The following PTPRM variants were observed in gnomAD, a reference collection of about 807,000 sequenced individuals.
PTPRM encodes protein tyrosine phosphatase receptor type M, also known as receptor-type tyrosine-protein phosphatase mu.
A neutral mutation model predicts 186.7 loss-of-function variants in PTPRM; 47 were observed. That is an observed-to-expected ratio of 0.25 (90% CI 0.20 to 0.32). The LOEUF (loss-of-function observed/expected upper bound fraction) is 0.32. Ranked by LOEUF, PTPRM falls within the 10% of genes least tolerant of loss-of-function variation. The pLI, the probability that PTPRM is intolerant of heterozygous loss-of-function variation, is 1.00. For missense variants in PTPRM, 1,494 were observed against 1,865.0 expected, an observed-to-expected ratio of 0.80 and a Z score of 3.66; for synonymous variants, 668 against 674.9, an observed-to-expected ratio of 0.99 and a Z score of 0.16.
chr18:8,150,395 T>G (rs900788991), intron 14 of PTPRM, among the ~76,000 whole-genome samples: 2 of 152,312 alleles, frequency 1.3e-5, no homozygotes, highest in African/African-American at 4.8e-5. Context: ...TTCATTAAGT[T>G]GATCTTCAGT....
At chr18:8,235,985 G>T (rs2094341488) in intron 14 of PTPRM, among the ~76,000 whole-genome samples, 1 of 152,118 alleles carries the variant, frequency 6.6e-6, no homozygotes, top group Admixed American at 6.6e-5. Flanking sequence ...GTGTTTAATG[G>T]CTCATGATGC....
intron 23 of PTPRM, among the ~76,000 whole-genome samples, chr18:8,368,544 C>G (rs923415980): frequency 1.3e-5 from 2 of 152,194 alleles, no homozygotes; most frequent in African/African-American, 4.8e-5. Context: ...ATCTGCAACT[C>G]CTAGCATATC....
intron 14 of PTPRM, among the ~76,000 whole-genome samples, chr18:8,196,902 G>A (rs1166774050): frequency 6.6e-6 from 1 of 152,158 alleles, no homozygotes; most frequent in Non-Finnish European, 1.5e-5. Flanking sequence ...GTATCATACC[G>A]TGGGCAAACG....
At chr18:8,074,640 C>A (rs891990939) in intron 8 of PTPRM, among the ~76,000 whole-genome samples, 3 of 152,114 alleles carry the variant, frequency 2.0e-5, no homozygotes, top group Non-Finnish European at 4.4e-5. Context: ...CGATTTACAG[C>A]GCTTGCTAGC....
intron 14 of PTPRM, among the ~76,000 whole-genome samples, chr18:8,210,199 T>G (rs1338907257): frequency 1.3e-5 from 2 of 151,986 alleles, no homozygotes; most frequent in Non-Finnish European, 2.9e-5. Flanking sequence ...TAATCCCAGC[T>G]TCTCAGGAGG....
chr18:7,888,023 C>T (rs767632178), intron 2 of PTPRM, 83 bp from the exon 3 acceptor site: 2 of 1,529,106 alleles, frequency 1.3e-6, no homozygotes, highest in South Asian at 1.1e-5. Context: ...GCAGTGCCAA[C>T]CCATGTAAAT....
At chr18:8,122,756 C>T (rs980890131) in intron 13 of PTPRM, among the ~76,000 whole-genome samples, 1 of 152,306 alleles carries the variant, frequency 6.6e-6, no homozygotes, top group Non-Finnish European at 1.5e-5. Context: ...ATACATTTAG[C>T]TATACACAAT....
chr18:7,914,472 T>G (rs2050440120), intron 4 of PTPRM, among the ~76,000 whole-genome samples: 1 of 152,134 alleles, frequency 6.6e-6, no homozygotes, highest in Admixed American at 6.5e-5. Context: ...TTACTTGGCT[T>G]TTTTTGGACC....
At chr18:8,351,794 C>T (rs1206381193) in intron 23 of PTPRM, among the ~76,000 whole-genome samples, 1 of 152,182 alleles carries the variant, frequency 6.6e-6, no homozygotes, top group Non-Finnish European at 1.5e-5. Context: ...CACGCCACTA[C>T]CCCCAGCACA....
intron 7 of PTPRM, among the ~76,000 whole-genome samples, chr18:8,034,272 G>A (rs6506546): frequency 0.65 from 98,787 of 151,706 alleles, 32,420 homozygotes; most frequent in African/African-American, 0.73. Flanking sequence ...TGTAAAATAC[G>A]TTCACCCTAT....
At chr18:8,317,644 G>T (rs2095318609) in intron 21 of PTPRM, among the ~76,000 whole-genome samples, 1 of 152,172 alleles carries the variant, frequency 6.6e-6, no homozygotes, top group Non-Finnish European at 1.5e-5. Context: ...AGAACAAGCG[G>T]CCAGGGAGGT....
At chr18:8,067,037 G>C (rs1411725343) in intron 7 of PTPRM, among the ~76,000 whole-genome samples, 1 of 152,224 alleles carries the variant, frequency 6.6e-6, no homozygotes, top group African/African-American at 2.4e-5. Flanking sequence ...GAATGATGCA[G>C]ACTTATTTAT....
intron 2 of PTPRM, among the ~76,000 whole-genome samples, chr18:7,870,112 T>C (rs1478325487): frequency 6.6e-6 from 1 of 152,194 alleles, no homozygotes; most frequent in South Asian, 2.1e-4. Flanking sequence ...GGCTGCACTA[T>C]GGTATCAGGA....
intron 5 of PTPRM, among the ~76,000 whole-genome samples, chr18:7,942,614 T>C (rs1181695920): frequency 7.3e-6 from 1 of 137,760 alleles, no homozygotes; most frequent in Non-Finnish European, 1.6e-5. Context: ...AAGGGGCAAG[T>C]GGAATTTCAG....
intron 2 of PTPRM, among the ~76,000 whole-genome samples, chr18:7,868,381 T>G (rs2146146503): frequency 6.6e-6 from 1 of 152,322 alleles, no homozygotes; most frequent in Non-Finnish European, 1.5e-5. Context: ...GGGTTTTTGG[T>G]GTGGATGTCC....
intron 1 of PTPRM, among the ~76,000 whole-genome samples, chr18:7,718,169 T>C (rs1031199892): frequency 1.3e-5 from 2 of 152,140 alleles, no homozygotes; most frequent in Non-Finnish European, 2.9e-5. Flanking sequence ...CAAATTATAC[T>C]ACAAGTCTCT....
rs1481341900 is a variant in PTPRM, at chr18:8,252,507, C to T, written c.2566+8C>T. 2.6e-6 allele frequency: 4 copies of T among 1,545,774 alleles called. No individual in the cohort carries two copies. Among genetic ancestry groups the T allele is most frequent in the African/African-American group, 1.4e-5 (1 of 73,330 alleles). ...TAAAAGTGCCAATAAATGGTAAGTT[C>T]CCCGATTCGCCCCATGGAAGAGTTG... On this transcript the variant is annotated splice_region_variant and intron_variant, in intron 18 of 32. Coordinates refer to ENST00000580170, the MANE Select transcript of PTPRM (RefSeq NM_001105244.2).
chr18:7,669,219 G>C (rs182641138), intron 1 of PTPRM, among the ~76,000 whole-genome samples: 2 of 152,110 alleles, frequency 1.3e-5, no homozygotes, highest in Non-Finnish European at 1.5e-5. Flanking sequence ...TCAGCAGGGG[G>C]ATCCTGCTGG....
intron 29 of PTPRM, 71 bp downstream of exon 29, chr18:8,380,498 T>C: frequency 6.3e-7 from 1 of 1,579,142 alleles, no homozygotes; most frequent in Non-Finnish European, 8.7e-7. Context: ...TGAGTTTGTT[T>C]GCACCCGAGA....
Sources: allele counts gnomAD v4.1 joint callset (sites outside exome capture counted in the v4.1 genomes callset), GRCh38; gene constraint gnomAD v4.1.1; transcripts MANE v1.5; gene names NCBI Gene and HGNC (gene_info 2026-07-23, HGNC 2026-07-21).